The following TEAD3 variants were observed in gnomAD, a reference collection of about 807,000 sequenced individuals.
TEAD3 encodes the protein TEA domain transcription factor 3, also known as transcriptional enhancer factor TEF-5.
In TEAD3, 15 loss-of-function variants were observed where a neutral mutation model predicts 55.6. That is an observed-to-expected ratio of 0.27 (90% CI 0.18 to 0.42). The LOEUF (loss-of-function observed/expected upper bound fraction) is 0.42. Among genes scored for constraint, TEAD3 ranks in the 10% least tolerant of loss-of-function variants. TEAD3 has a pLI of 1.00. For missense variants in TEAD3, 407 were observed against 576.8 expected, an observed-to-expected ratio of 0.71 and a Z score of 3.01; for synonymous variants, 210 against 232.2, an observed-to-expected ratio of 0.90 and a Z score of 0.87.
Position 35,487,960 on chromosome 6 carries a change from ACCT to A in TEAD3, c.-49-1252_-49-1250del, listed in dbSNP as rs1360552499. 3.9e-5 allele frequency among the ~76,000 whole-genome samples: 6 copies of A among 151,912 alleles called. 1 individual carries two copies. Among genetic ancestry groups the A allele is most frequent in the Admixed American group, 3.9e-4 (6 of 15,258 alleles). On this transcript the variant is annotated intron_variant, in intron 1 of 12. Coordinates refer to ENST00000639578, the Ensembl canonical transcript of TEAD3. ...CCAGTGTCCACATCCCCAGTCAGGG[ACCT>A]CCACCCCTCACTCTCGCCCCAGCAT...
At position 35,484,280 on chromosome 6, in the gene TEAD3, T is replaced by C. The variant is rs78373031; in HGVS notation, c.267+280A>G. On this transcript the variant is annotated intron_variant, in intron 3 of 12. Coordinates refer to ENST00000639578, the Ensembl canonical transcript of TEAD3. This position sits in a 1 kb window ranked among gnomAD's most constrained non-coding sequence, Gnocchi z 5.8. ...AGCAGCCACAGCAGCCCCGTGGGCT[T>C]ATCTGTGGTCCCTGAACCACAGGCC... 5.3e-4 allele frequency among the ~76,000 whole-genome samples: 80 copies of C among 152,256 alleles called. No individual in the cohort carries two copies. The East Asian group carries it at 0.011, about 22-fold the overall frequency.
At chr6:35,492,654 T>G (rs991769362) in intron 1 of TEAD3, among the ~76,000 whole-genome samples, 60 of 137,818 alleles carry the variant, frequency 4.4e-4, no homozygotes, top group Non-Finnish European at 6.6e-4. Flanking sequence ...GGACTGGAGA[T>G]TCTCTGCCCC....
Position 35,484,664 on chromosome 6 carries a change from G to A in TEAD3, c.203-40C>T. 6.4e-7 allele frequency: 1 copy of A among 1,553,360 alleles called. No homozygotes were observed. Among genetic ancestry groups the A allele is most frequent in the Non-Finnish European group, 8.7e-7 (1 of 1,144,776 alleles). ...GAGAGAAAATGAGGAGTGGGCAAAG[G>A]GTGGAGCCAGAGGCTGGAGGCCCCC... On this transcript the variant is annotated intron_variant, in intron 2 of 12. Coordinates refer to ENST00000639578, the Ensembl canonical transcript of TEAD3. The surrounding 1 kb of genome is among the most constrained non-coding windows in gnomAD (Gnocchi z 5.8).
At position 35,478,258 on chromosome 6, in the gene TEAD3, T is replaced by A; in HGVS notation, c.530+17A>T. The A allele has an allele frequency of 6.2e-7, 1 of 1,612,866 alleles. No individual in the cohort carries two copies. On this transcript the variant is annotated intron_variant, in intron 7 of 12. Coordinates refer to ENST00000639578, the Ensembl canonical transcript of TEAD3. ...CCAGGAGGAAGAGGGCGTGGGATGA[T>A]GAGCCACAATACTCACTCCTGAGAG... is the stretch of plus-strand genomic sequence containing the variant.
chr6:35,487,946 A>T (rs1768421646), intron 1 of TEAD3, among the ~76,000 whole-genome samples: 2 of 152,102 alleles, frequency 1.3e-5, no homozygotes, highest in Non-Finnish European at 2.9e-5. Flanking sequence ...CAGTGTCCAC[A>T]TCCCCAGTCA....
rs1355303575 is a variant in TEAD3, at chr6:35,496,254, A to C, written c.-50+644T>G. On this transcript the variant is annotated intron_variant, in intron 1 of 12. Transcript: ENST00000639578. The surrounding 1 kb of genome is among the most constrained non-coding windows in gnomAD (Gnocchi z 4.8). ...CCTCCGAGCCAAGCTCACAGCGCTC[A>C]GGGCTGGAACTCTGAATCAGCACCC... Among the ~76,000 whole-genome samples, 2 of 152,240 alleles carry C rather than the reference A, an allele frequency of 1.3e-5. No individual in the cohort carries two copies. Among genetic ancestry groups the C allele is most frequent in the African/African-American group, 4.8e-5 (2 of 41,478 alleles).
chr6:35,482,177 G>A (rs944299562), intron 3 of TEAD3, among the ~76,000 whole-genome samples: 1 of 152,028 alleles, frequency 6.6e-6, no homozygotes, highest in African/African-American at 2.4e-5. Flanking sequence ...GTAGAGACGG[G>A]GTTTCACCAT....
chr6:35,490,193 C>A (rs965826330), intron 1 of TEAD3, among the ~76,000 whole-genome samples: 1 of 152,218 alleles, frequency 6.6e-6, no homozygotes, highest in Admixed American at 6.5e-5. Context: ...CTGTGGCCCC[C>A]CCTTCTTAGG....
Position 35,483,755 on chromosome 6 carries a change from C to A in TEAD3, c.267+805G>T, listed in dbSNP as rs780746106. On this transcript the variant is annotated intron_variant, in intron 3 of 12. Coordinates refer to ENST00000639578, the Ensembl canonical transcript of TEAD3. The surrounding 1 kb of genome is among the most constrained non-coding windows in gnomAD (Gnocchi z 4.5). The stretch of plus-strand genomic sequence containing the variant: ...GTCCCCCATGTCTCCTGCTGAGTGT[C>A]CCCTACCCCAGCAGTCCCCACCCTC... Among the ~76,000 whole-genome samples, 22 of 152,170 alleles carry A rather than the reference C, an allele frequency of 1.4e-4. No homozygotes were observed. Among genetic ancestry groups the A allele is most frequent in the Admixed American group, 1.1e-3 (17 of 15,272 alleles).
rs776014531 is a variant in TEAD3 at position 35,477,390 on chromosome 6, G to A, written c.531-18C>T. On this transcript the variant is annotated intron_variant, in intron 7 of 12. Transcript: ENST00000639578. ...GCTTGATGCTGCAGACAGGAGCACAGCCTGGTGAGAGGGTTCCCTCTTCCC... is the reference window on the plus strand; with the variant it reads ...GCTTGATGCTGCAGACAGGAGCACAACCTGGTGAGAGGGTTCCCTCTTCCC... The A allele has an allele frequency of 3.1e-6, 5 of 1,597,488 alleles. No individual in the cohort carries two copies. The highest frequency in any genetic ancestry group is 4.2e-6 in the Non-Finnish European group (5 of 1,178,782).
intron 4 of TEAD3, 74 bp from the exon 5 acceptor site, chr6:35,479,390 C>T (rs1029492821): frequency 1.4e-5 from 22 of 1,574,340 alleles, no homozygotes; most frequent in South Asian, 3.3e-5. Context: ...GACGTCTTTG[C>T]GCCTACCTCC....
At chr6:35,493,260 G>A (rs1768569436) in intron 1 of TEAD3, among the ~76,000 whole-genome samples, 1 of 152,136 alleles carries the variant, frequency 6.6e-6, no homozygotes, top group South Asian at 2.1e-4. Flanking sequence ...CAATTGAGAG[G>A]CATTAATTAC....
chr6:35,479,099 C>T (rs1193931945), intron 5 of TEAD3, among the ~76,000 whole-genome samples: 2 of 152,082 alleles, frequency 1.3e-5, no homozygotes, highest in Non-Finnish European at 2.9e-5. Context: ...AGGCTGGTCT[C>T]GATCCCCTGA....
At chr6:35,476,971 C>T (rs1355117871) in intron 8 of TEAD3, among the ~76,000 whole-genome samples, 2 of 152,056 alleles carry the variant, frequency 1.3e-5, no homozygotes, top group Non-Finnish European at 2.9e-5. Flanking sequence ...TATAGCCATG[C>T]GCCACCACGC....
chr6:35,475,571 C>T lies in TEAD3; in HGVS notation c.1036G>A (p.Val346Met). 3 of 1,609,938 alleles carry T rather than the reference C, an allele frequency of 1.9e-6. No homozygotes were observed. Among genetic ancestry groups the T allele is most frequent in the Non-Finnish European group, 2.5e-6 (3 of 1,177,380 alleles). The change falls in exon 11 of 13, where the codon GTG becomes ATG. Residue 346 changes from valine to methionine, a missense_variant. Transcript: ENST00000639578. The surrounding 1 kb of genome is among the most constrained non-coding windows in gnomAD (Gnocchi z 5.4). ...CACCCAGAGCCCCCACTCACCTCCA[C>T]CTTCTCTACCACCTGTTTGCCAAAG...
chr6:35,482,188 G>C (rs754071836), intron 3 of TEAD3, among the ~76,000 whole-genome samples: 4 of 152,116 alleles, frequency 2.6e-5, no homozygotes, highest in African/African-American at 4.8e-5. Flanking sequence ...GTTTCACCAT[G>C]TTGACCAGGC....
chr6:35,480,832 C>T (rs939945727), intron 3 of TEAD3, among the ~76,000 whole-genome samples: 1 of 152,128 alleles, frequency 6.6e-6, no homozygotes, highest in Non-Finnish European at 1.5e-5. Flanking sequence ...CTGTCCTCCC[C>T]GCAAAAAGGG....
chr6:35,484,906 C>A lies in TEAD3; in HGVS notation c.203-282G>T, dbSNP rs1309253660. ...AAGGAGGGCCGAGCAGCACTAGGCA[C>A]CCTGACAGGCTTCCCTGCAGACAGA... On this transcript the variant is annotated intron_variant, in intron 2 of 12. Coordinates refer to ENST00000639578, the Ensembl canonical transcript of TEAD3. This position sits in a 1 kb window ranked among gnomAD's most constrained non-coding sequence, Gnocchi z 5.8. Among the ~76,000 whole-genome samples, 3 of 152,140 alleles carry A rather than the reference C, an allele frequency of 2.0e-5. No homozygotes were observed. The highest frequency in any genetic ancestry group is 2.9e-5 in the Non-Finnish European group (2 of 68,004).
Position 35,475,717 on chromosome 6 carries a change from G to C in TEAD3, c.901-11C>G, listed in dbSNP as rs1194694877. 1.3e-6 allele frequency: 2 copies of C among 1,573,390 alleles called. No homozygotes were observed. The highest frequency in any genetic ancestry group is 8.6e-7 in the Non-Finnish European group (1 of 1,158,964). On this transcript the variant is annotated splice_polypyrimidine_tract_variant and intron_variant, in intron 10 of 12. Coordinates refer to ENST00000639578, the Ensembl canonical transcript of TEAD3. This position sits in a 1 kb window ranked among gnomAD's most constrained non-coding sequence, Gnocchi z 5.4. ...GCTGTTGAGGTCGGCCTGGGCATGG[G>C]GGTGGGGGGTGTTAGGTGCTGGCAG...
Sources: allele counts gnomAD v4.1 joint callset (sites outside exome capture counted in the v4.1 genomes callset), GRCh38; gene constraint gnomAD v4.1.1; non-coding constraint Gnocchi (gnomAD v3.1); transcripts MANE v1.5; gene names NCBI Gene and HGNC (gene_info 2026-07-23, HGNC 2026-07-21).